PTAR1: variants seen among roughly 807,000 people sequenced by gnomAD.
PTAR1 encodes protein prenyltransferase alpha subunit repeat containing 1, also known as protein prenyltransferase alpha subunit repeat-containing protein 1.
PTAR1 carries 17 observed loss-of-function variants against 45.5 expected under a neutral mutation model. That is an observed-to-expected ratio of 0.37 (90% CI 0.26 to 0.56). The LOEUF (loss-of-function observed/expected upper bound fraction) is 0.56. PTAR1 is among the 20% of genes least tolerant of loss of function. The pLI, the probability that PTAR1 is intolerant of heterozygous loss-of-function variation, is 0.77. For synonymous variants in PTAR1, 169 were observed against 171.3 expected, an observed-to-expected ratio of 0.99 and a Z score of 0.11; for missense variants, 391 against 476.3, an observed-to-expected ratio of 0.82 and a Z score of 1.67.
intron 2 of PTAR1, among the ~76,000 whole-genome samples, chr9:69,744,945 A>C (rs1826211993): frequency 6.6e-6 from 1 of 152,160 alleles, no homozygotes; most frequent in East Asian, 1.9e-4. Context: ...TTAAAGCCAT[A>C]CTACCTGGGT....
chr9:69,733,228 A>G (rs1239965389), intron 4 of PTAR1, among the ~76,000 whole-genome samples: 1 of 152,104 alleles, frequency 6.6e-6, no homozygotes, highest in African/African-American at 2.4e-5. Context: ...CCAAACCCCC[A>G]TACACACAGT....
chr9:69,732,489 T>C (rs1352086517), intron 4 of PTAR1, 137 bp from the exon 5 acceptor site: 1 of 650,694 alleles, frequency 1.5e-6, no homozygotes, highest in African/African-American at 1.8e-5. Context: ...GTCTAGTATT[T>C]TGGAGATGGG....
intron 3 of PTAR1, among the ~76,000 whole-genome samples, chr9:69,737,996 G>A (rs1293888676): frequency 2.0e-5 from 3 of 152,028 alleles, no homozygotes; most frequent in African/African-American, 7.2e-5. Flanking sequence ...TTTATTAAAA[G>A]TCCATACTTT....
At chr9:69,750,515 C>T (rs961651283) in intron 2 of PTAR1, among the ~76,000 whole-genome samples, 32 of 150,576 alleles carry the variant, frequency 2.1e-4, no homozygotes, top group Non-Finnish European at 1.6e-4. Flanking sequence ...GACCCCAATA[C>T]ATAAACTGAT....
chr9:69,714,724 A>C lies in PTAR1; in HGVS notation c.*3618T>G, dbSNP rs1203190260. 1 of 152,090 alleles carries C rather than the reference A, an allele frequency of 6.6e-6. No individual in the cohort carries two copies. The highest frequency in any genetic ancestry group is 2.4e-5 in the African/African-American group (1 of 41,438). 9.4% of individuals were successfully genotyped at this position (152,090 alleles called of 1,614,324 possible). Reference sequence around the variant, plus strand: ...TAACCTGTATATATTTAACCCTACTAATAATTAAGCCTTTAAGTGAGAACT... The same window carrying C: ...TAACCTGTATATATTTAACCCTACTCATAATTAAGCCTTTAAGTGAGAACT... On this transcript the variant is annotated 3_prime_UTR_variant, in exon 8 of 8. Transcript: ENST00000340434.
intron 6 of PTAR1, among the ~76,000 whole-genome samples, chr9:69,721,386 T>A (rs1278798125): frequency 6.6e-6 from 1 of 152,160 alleles, no homozygotes; most frequent in Admixed American, 6.5e-5. Context: ...GAGTTGCTTT[T>A]TATGGATGAA....
chr9:69,755,935 A>T (rs962213287), intron 1 of PTAR1, among the ~76,000 whole-genome samples: 2 of 152,172 alleles, frequency 1.3e-5, no homozygotes, highest in Non-Finnish European at 2.9e-5. Context: ...ATAATCTCAT[A>T]AAGTAGGAAT....
At position 69,750,806 on chromosome 9, in the gene PTAR1, T is replaced by C; in HGVS notation, c.231A>G (p.Thr77=). ...YVHNKLLLYR[T]RKQWLNRDEL... ...CATCTCTGTTCAGCCATTGCTTTCT[T>C]GTTCTGTACAAAAGGAGCTTGTTGT... is the stretch of plus-strand genomic sequence containing the variant. Residue 77 remains threonine (T), a synonymous_variant, in exon 2 of 8, where the codon ACA becomes ACG. Coordinates refer to ENST00000340434, the MANE Select transcript of PTAR1 (RefSeq NM_001099666.2). The C allele has an allele frequency of 6.2e-7, 1 of 1,609,832 alleles. No individual in the cohort carries two copies. Among genetic ancestry groups the C allele is most frequent in the Admixed American group, 1.7e-5 (1 of 59,174 alleles).
intron 1 of PTAR1, chr9:69,758,550 A>G (rs1817455161): frequency 5.0e-6 from 1 of 201,452 alleles, no homozygotes; most frequent in South Asian, 6.9e-5. Context: ...GGCAGCAGTC[A>G]TAAGGGGGAG....
At chr9:69,723,747 A>G in intron 5 of PTAR1, 117 bp from the exon 6 acceptor site, 1 of 792,324 alleles carries the variant, frequency 1.3e-6, no homozygotes, top group Non-Finnish European at 2.0e-6. Context: ...ATTCTTACCA[A>G]TATTTTGTAC....
intron 2 of PTAR1, among the ~76,000 whole-genome samples, chr9:69,742,327 A>G (rs148978807): frequency 2.0e-5 from 3 of 152,236 alleles, no homozygotes; most frequent in African/African-American, 7.2e-5. Flanking sequence ...CCTTTCTTGC[A>G]CATATTTTTA....
chr9:69,718,480 C>T lies in PTAR1; in HGVS notation c.1071G>A (p.Lys357=). 1.9e-6 allele frequency: 3 copies of T among 1,613,774 alleles called. No individual in the cohort carries two copies. Among genetic ancestry groups the T allele is most frequent in the Middle Eastern group, 3.3e-4 (2 of 6,054 alleles). Residue 357 remains lysine (K), a synonymous_variant, in exon 8 of 8, where the codon AAG becomes AAA. Transcript: ENST00000340434. Reference sequence around the variant, plus strand: ...CTAGGGAGTCTGGAACTGGCGTCCGCTTCAGGCGTTTGGTTTCCTGGGAAT... The same window carrying T: ...CTAGGGAGTCTGGAACTGGCGTCCGTTTCAGGCGTTTGGTTTCCTGGGAAT... ...QGYSQETKRL[K]RTPVPDSLGL...
chr9:69,723,473 G>C lies in PTAR1; in HGVS notation c.800C>G (p.Pro267Arg), dbSNP rs1234058438. 6.2e-7 allele frequency: 1 copy of C among 1,613,874 alleles called. No individual in the cohort carries two copies. The highest frequency in any genetic ancestry group is 1.1e-5 in the South Asian group (1 of 91,076). The change falls in exon 6 of 8, where the codon CCA (proline) becomes CGA (arginine). Residue 267 changes from proline to arginine, a missense_variant. Pro to Arg is a moderately radical substitution (Grantham distance 103). This residue lies in a region of PTAR1 where 181 missense variants were observed against 227.7 expected (regional missense o/e 0.80). Transcript: ENST00000340434. ...VMEQNPLRSE[P>R]ALVPPKDEEA... Reference sequence around the variant, plus strand: ...TTCATCTTTTGGAGGAACTAGGGCTGGCTCACTTCTCAAAGGATTTTGCTC... The same window carrying C: ...TTCATCTTTTGGAGGAACTAGGGCTCGCTCACTTCTCAAAGGATTTTGCTC...
intron 5 of PTAR1, among the ~76,000 whole-genome samples, chr9:69,725,164 T>C (rs1052226366): frequency 6.6e-6 from 1 of 152,194 alleles, no homozygotes; most frequent in Non-Finnish European, 1.5e-5. Context: ...TAACATGGAT[T>C]GAAAAGAGTA....
At chr9:69,725,086 TTTGAAAA>T (rs1380050330) in intron 5 of PTAR1, among the ~76,000 whole-genome samples, 3 of 152,168 alleles carry the variant, frequency 2.0e-5, no homozygotes, top group Non-Finnish European at 2.9e-5. Context: ...TTATTACATT[TTTGAAAA>T]ATAAACCTGT....
At chr9:69,741,253 G>A (rs1826031504) in intron 3 of PTAR1, among the ~76,000 whole-genome samples, 1 of 152,012 alleles carries the variant, frequency 6.6e-6, no homozygotes, top group South Asian at 2.1e-4. Flanking sequence ...CAACTACTTG[G>A]ACACAAATCT....
At chr9:69,737,252 T>C (rs1825832353) in intron 3 of PTAR1, among the ~76,000 whole-genome samples, 1 of 151,958 alleles carries the variant, frequency 6.6e-6, no homozygotes, top group Admixed American at 6.6e-5. Flanking sequence ...GCTAATTTTT[T>C]GTATTTTTGG....
chr9:69,733,193 T>C (rs1435907262), intron 4 of PTAR1, among the ~76,000 whole-genome samples: 1 of 152,126 alleles, frequency 6.6e-6, no homozygotes, highest in East Asian at 1.9e-4. Flanking sequence ...ATTTAACAGT[T>C]CCTTTCCCCT....
In PTAR1 at chr9:69,734,218, A is replaced by G. The variant is rs1212005634; in HGVS notation, c.360T>C (p.Ile120=). 4.3e-6 allele frequency: 6 copies of G among 1,403,118 alleles called. No homozygotes were observed. In the East Asian group the frequency reaches 1.5e-4, roughly 34 times the overall value. 86.9% of individuals were successfully genotyped at this position (1,403,118 alleles called of 1,614,324 possible). Reference sequence around the variant, plus strand: ...CGAGTTTTCCCAGATGTAAATCCTTAATTGGATTTAAAGTGCCAGAGAGGA... The same window carrying G: ...CGAGTTTTCCCAGATGTAAATCCTTGATTGGATTTAAAGTGCCAGAGAGGA... The part of the protein sequence containing the change: ...ELILSGTLNP[I]KDLHLGKLAL... The change falls in exon 4 of 8, where the codon ATT becomes ATC. Residue 120 remains isoleucine (I), a synonymous_variant. Coordinates refer to ENST00000340434, the MANE Select transcript of PTAR1 (RefSeq NM_001099666.2).
Sources: allele counts gnomAD v4.1 joint callset (sites outside exome capture counted in the v4.1 genomes callset), GRCh38; gene constraint gnomAD v4.1.1; regional missense constraint gnomAD v4.1.1; transcripts MANE v1.5; gene names NCBI Gene and HGNC (gene_info 2026-07-23, HGNC 2026-07-21).